IL2RB: variants seen among roughly 807,000 people sequenced by gnomAD.
The protein encoded by IL2RB is interleukin 2 receptor subunit beta, also known as interleukin-2 receptor subunit beta.
A neutral mutation model predicts 44.2 loss-of-function variants in IL2RB; 17 were observed. That is an observed-to-expected ratio of 0.38 (90% confidence interval 0.26 to 0.58). The LOEUF (loss-of-function observed/expected upper bound fraction) is 0.58. Ranked by LOEUF, IL2RB falls within the 20% of genes least tolerant of loss-of-function variation. The probability of loss-of-function intolerance (pLI) is 0.63; values close to 1 mark genes in which losing one functional copy is unlikely to be tolerated. For missense variants in IL2RB, 624 were observed against 685.5 expected, an observed-to-expected ratio of 0.91 and a Z score of 1.00; for synonymous variants, 286 against 297.9, an observed-to-expected ratio of 0.96 and a Z score of 0.41.
chr22:37,166,774 AG>A (rs1923096630), intron 1 of IL2RB: 1 of 152,154 alleles, frequency 6.6e-6, no homozygotes, highest in Admixed American at 6.5e-5. Flanking sequence ...CGCGGCCAGG[AG>A]CGTGACCACG....
chr22:37,150,307 C>T (rs1010853511), upstream of IL2RB, among the ~76,000 whole-genome samples: 2 of 152,108 alleles, frequency 1.3e-5, no homozygotes, highest in Non-Finnish European at 2.9e-5. Flanking sequence ...ACAAGCAGGT[C>T]CCTCTAGGTG....
chr22:37,155,345 C>T (rs1396909484), intron 1 of IL2RB, among the ~76,000 whole-genome samples: 2 of 152,216 alleles, frequency 1.3e-5, no homozygotes, highest in South Asian at 4.1e-4. Flanking sequence ...CTTTCCCAAA[C>T]TCAAATCACG....
At chr22:37,157,044 G>A (rs959580872) in intron 1 of IL2RB, among the ~76,000 whole-genome samples, 8 of 149,674 alleles carry the variant, frequency 5.3e-5, no homozygotes, top group African/African-American at 2.0e-4. Context: ...CCTGGTCCCT[G>A]GTCAGGAGGA....
intron 1 of IL2RB, among the ~76,000 whole-genome samples, chr22:37,163,774 A>G (rs1922964293): frequency 2.0e-5 from 3 of 152,216 alleles, no homozygotes; most frequent in Admixed American, 1.3e-4. Flanking sequence ...TGAGCCTGTG[A>G]CCTTGATTTC....
chr22:37,144,306 G>A, intron 1 of IL2RB, 101 bp from the exon 2 acceptor site: 2 of 1,402,636 alleles, frequency 1.4e-6, no homozygotes, highest in Non-Finnish European at 9.5e-7. Context: ...TGCATGGTCT[G>A]CACTCCTCGG....
intron 8 of IL2RB, among the ~76,000 whole-genome samples, chr22:37,135,020 G>A (rs544088460): frequency 2.0e-5 from 3 of 152,248 alleles, no homozygotes; most frequent in South Asian, 2.1e-4. Flanking sequence ...ACAGGGCCCC[G>A]GGGCTCTCCC....
chr22:37,144,729 G>A (rs3218271), intron 1 of IL2RB, among the ~76,000 whole-genome samples: 2,208 of 152,230 alleles, frequency 0.015, 22 homozygotes, highest in Non-Finnish European at 0.022. Flanking sequence ...GGACGACAGA[G>A]TAAGACTCTG....
intron 8 of IL2RB, among the ~76,000 whole-genome samples, chr22:37,134,959 A>G (rs369181520): frequency 1.1e-3 from 162 of 152,238 alleles, no homozygotes; most frequent in African/African-American, 3.6e-3. Context: ...AGACACAGAG[A>G]CAGCTGACAT....
intron 1 of IL2RB, among the ~76,000 whole-genome samples, chr22:37,157,276 G>T (rs1429845122): frequency 6.6e-6 from 1 of 152,104 alleles, no homozygotes; most frequent in Non-Finnish European, 1.5e-5. Flanking sequence ...CCACCCACCA[G>T]TCCCCAAGAC....
chr22:37,161,036 G>A (rs1371046658), intron 1 of IL2RB, among the ~76,000 whole-genome samples: 1 of 152,246 alleles, frequency 6.6e-6, no homozygotes, highest in East Asian at 1.9e-4. Context: ...AGCTACTTGG[G>A]AGGCTGAGGC....
At chr22:37,152,138 G>C (rs1208079230), upstream of IL2RB, among the ~76,000 whole-genome samples, 2 of 152,154 alleles carry the variant, frequency 1.3e-5, no homozygotes, top group African/African-American at 4.8e-5. Flanking sequence ...GGATTACATT[G>C]AGTCTGTATA....
intron 1 of IL2RB, among the ~76,000 whole-genome samples, chr22:37,167,513 C>T (rs939490627): frequency 2.6e-4 from 40 of 152,266 alleles, no homozygotes; most frequent in African/African-American, 9.2e-4. Flanking sequence ...CTGGCTTCTT[C>T]TCTCCCTTGC....
chr22:37,168,527 T>C (rs972310043), intron 1 of IL2RB, among the ~76,000 whole-genome samples: 1 of 152,246 alleles, frequency 6.6e-6, no homozygotes, highest in Non-Finnish European at 1.5e-5. Context: ...TTTACCTCTC[T>C]GAGCCTGTTT....
At chr22:37,159,880 C>G (rs1326112380) in intron 1 of IL2RB, among the ~76,000 whole-genome samples, 1 of 152,240 alleles carries the variant, frequency 6.6e-6, no homozygotes. Context: ...TTCCCATGGT[C>G]CCTGCATCTG....
intron 8 of IL2RB, 111 bp downstream of exon 8, chr22:37,135,215 TAA>T: frequency 2.9e-6 from 2 of 697,298 alleles, no homozygotes; most frequent in Non-Finnish European, 5.1e-6. Flanking sequence ...TGTGTTCATG[TAA>T]GTGTGTGTGT....
At chr22:37,149,146 G>T (rs891151809) in intron 1 of IL2RB, among the ~76,000 whole-genome samples, 1 of 152,132 alleles carries the variant, frequency 6.6e-6, no homozygotes, top group Non-Finnish European at 1.5e-5. Flanking sequence ...TCGGCCCCCA[G>T]GAGAGGAGAG....
intron 1 of IL2RB, among the ~76,000 whole-genome samples, chr22:37,146,530 T>G (rs1330268295): frequency 6.6e-6 from 1 of 152,164 alleles, no homozygotes; most frequent in Non-Finnish European, 1.5e-5. Context: ...GTCTATCCTT[T>G]CCCTGGGTCC....
intron 8 of IL2RB, 94 bp from the exon 9 acceptor site, chr22:37,132,562 A>G: frequency 1.2e-6 from 1 of 844,016 alleles, no homozygotes; most frequent in Non-Finnish European, 2.0e-6. Context: ...CCAGGCACGG[A>G]GCCGCACCAC....
chr22:37,155,553 C>T (rs1015675020), intron 1 of IL2RB, among the ~76,000 whole-genome samples: 3 of 152,374 alleles, frequency 2.0e-5, no homozygotes, highest in African/African-American at 7.2e-5. Flanking sequence ...TGCCATTTTA[C>T]AGGCCAGGAA....
Sources: gnomAD v4.1 joint callset for allele counts (sites outside exome capture counted in the v4.1 genomes callset) on GRCh38, gnomAD v4.1.1 for gene constraint, MANE v1.5 for transcripts, NCBI Gene and HGNC (gene_info 2026-07-23, HGNC 2026-07-21) for gene names.